The following IFNGR2 variants were observed in gnomAD, a reference collection of about 807,000 sequenced individuals.
IFNGR2 encodes the protein IFN-gamma receptor 2.
A neutral mutation model predicts 41.1 loss-of-function variants in IFNGR2; 15 were observed. The ratio of observed to expected loss-of-function variants is 0.37; its 90% CI spans 0.24 to 0.56. IFNGR2 has a LOEUF of 0.56. Among genes scored for constraint, IFNGR2 ranks in the 20% least tolerant of loss-of-function variants. IFNGR2 has a pLI of 0.81. For missense variants in IFNGR2, 362 were observed against 415.7 expected (o/e 0.87, Z 1.12); for synonymous variants, 161 against 171.6 (o/e 0.94, Z 0.48).
intron 3 of IFNGR2, among the ~76,000 whole-genome samples, chr21:33,421,997 T>A (rs2083797272): frequency 6.6e-6 from 1 of 152,214 alleles, no homozygotes; most frequent in South Asian, 2.1e-4. Context: ...ACTACAATGG[T>A]AGAGTAGTTG....
intron 2 of IFNGR2, among the ~76,000 whole-genome samples, chr21:33,418,143 G>A (rs761222974): frequency 6.6e-6 from 1 of 152,036 alleles, no homozygotes; most frequent in African/African-American, 2.4e-5. Flanking sequence ...TGCAGCCTCC[G>A]CCTCGTGGGT....
intron 1 of IFNGR2, among the ~76,000 whole-genome samples, chr21:33,412,243 C>T (rs770881835): frequency 6.6e-6 from 1 of 152,116 alleles, no homozygotes; most frequent in Non-Finnish European, 1.5e-5. Flanking sequence ...GGTCCAGCTG[C>T]GTTTTCTCAT....
At chr21:33,410,975 G>T (rs910588439) in intron 1 of IFNGR2, 8 of 1,022,514 alleles carry the variant, frequency 7.8e-6, no homozygotes, top group Non-Finnish European at 1.2e-5. Context: ...TTCCAGCCCT[G>T]GTGTTTCCCA....
chr21:33,429,140 A>G (rs766082916), intron 4 of IFNGR2, among the ~76,000 whole-genome samples: 1 of 152,196 alleles, frequency 6.6e-6, no homozygotes, highest in Non-Finnish European at 1.5e-5. Context: ...GAAGAGGAGC[A>G]GCCGTGAGGG....
chr21:33,404,104 G>C (rs1386614819), intron 1 of IFNGR2, among the ~76,000 whole-genome samples: 3 of 152,272 alleles, frequency 2.0e-5, no homozygotes, highest in Non-Finnish European at 4.4e-5. Context: ...TTGAATCCAG[G>C]GCTCCGGCGG....
intron 1 of IFNGR2, among the ~76,000 whole-genome samples, chr21:33,409,077 T>G (rs1156647467): frequency 3.9e-4 from 59 of 151,666 alleles, no homozygotes; most frequent in Non-Finnish European, 1.0e-4. Flanking sequence ...CTCAGGAGGC[T>G]GAGGCAGGAG....
intron 2 of IFNGR2, among the ~76,000 whole-genome samples, chr21:33,416,165 A>G (rs2083751600): frequency 6.6e-6 from 1 of 152,172 alleles, no homozygotes; most frequent in Admixed American, 6.6e-5. Flanking sequence ...CCCAGCCTTC[A>G]TAGTAGTTTT....
intron 6 of IFNGR2, among the ~76,000 whole-genome samples, chr21:33,433,789 AT>A (rs35774330): frequency 4.0e-5 from 6 of 149,804 alleles, no homozygotes; most frequent in Non-Finnish European, 5.9e-5. Context: ...CCACAATTTA[AT>A]TTTTTTTTTT....
chr21:33,417,114 C>A (rs1210447591), intron 2 of IFNGR2, among the ~76,000 whole-genome samples: 1 of 150,120 alleles, frequency 6.7e-6, no homozygotes, highest in African/African-American at 2.5e-5. Flanking sequence ...TTTTCTGAGA[C>A]AAGGTCTCAC....
intron 6 of IFNGR2, among the ~76,000 whole-genome samples, chr21:33,435,493 G>A (rs1192090360): frequency 6.6e-6 from 1 of 152,134 alleles, no homozygotes; most frequent in East Asian, 1.9e-4. Context: ...TGCTTTTCCT[G>A]AGTTTTGCCC....
chr21:33,426,270 G>A (rs559436806), intron 3 of IFNGR2, among the ~76,000 whole-genome samples: 9 of 152,018 alleles, frequency 5.9e-5, no homozygotes, highest in African/African-American at 1.4e-4. Flanking sequence ...AAAATTAGCC[G>A]GGTATGGTGG....
chr21:33,437,292 CT>C lies in IFNGR2; in HGVS notation c.*331del. On this transcript the variant is annotated 3_prime_UTR_variant, in exon 7 of 7. Transcript: ENST00000290219. The stretch of plus-strand genomic sequence containing the variant: ...GATACTTTTTTCATTATTGGTTGGG[CT>C]GAGCAGTCAGAAGACCTGGTCGTCG... 2 of 295,542 alleles carry C rather than the reference CT, an allele frequency of 6.8e-6. No homozygotes were observed. Among genetic ancestry groups the C allele is most frequent in the South Asian group, 6.9e-5 (2 of 29,188 alleles). 18.3% of individuals were successfully genotyped at this position (295,542 alleles called of 1,614,324 possible).
At chr21:33,427,840 TCATC>T (rs1323546574) in intron 4 of IFNGR2, among the ~76,000 whole-genome samples, 10 of 51,306 alleles carry the variant, frequency 1.9e-4, no homozygotes, top group East Asian at 1.6e-3. Flanking sequence ...TCATCTCATT[TCATC>T]TTTTTTTTTT....
At chr21:33,415,515 T>G (rs1048480554) in intron 2 of IFNGR2, among the ~76,000 whole-genome samples, 2 of 152,256 alleles carry the variant, frequency 1.3e-5, no homozygotes, top group African/African-American at 4.8e-5. Context: ...TTCAAGCTTT[T>G]GCAGAATTGG....
At chr21:33,426,488 G>A (rs1220474825) in intron 3 of IFNGR2, among the ~76,000 whole-genome samples, 1 of 151,798 alleles carries the variant, frequency 6.6e-6, no homozygotes, top group East Asian at 1.9e-4. Flanking sequence ...GGAGGCTGAG[G>A]TGGGCGGATC....
At chr21:33,408,411 G>A (rs546936792) in intron 1 of IFNGR2, among the ~76,000 whole-genome samples, 2 of 152,182 alleles carry the variant, frequency 1.3e-5, no homozygotes, top group East Asian at 3.9e-4. Flanking sequence ...GGTCAGGCTG[G>A]TCTCGAACTC....
At chr21:33,435,221 G>C (rs2079999494) in intron 6 of IFNGR2, among the ~76,000 whole-genome samples, 1 of 152,170 alleles carries the variant, frequency 6.6e-6, no homozygotes, top group South Asian at 2.1e-4. Context: ...ATATGTTAAG[G>C]CCTAAGGCCC....
intron 1 of IFNGR2, among the ~76,000 whole-genome samples, 182 bp downstream of exon 1, chr21:33,403,798 T>C (rs1351553290): frequency 6.6e-6 from 1 of 151,802 alleles, no homozygotes; most frequent in Non-Finnish European, 1.5e-5. Context: ...AACCTGCGGG[T>C]GCCCCAGGTG....
At chr21:33,429,791 G>A (rs1322644396) in intron 4 of IFNGR2, among the ~76,000 whole-genome samples, 1 of 152,222 alleles carries the variant, frequency 6.6e-6, no homozygotes, top group East Asian at 1.9e-4. Context: ...TGCAAACAGT[G>A]TAGGGACGGT....
Sources: gnomAD v4.1 joint callset for allele counts (sites outside exome capture counted in the v4.1 genomes callset) on GRCh38, gnomAD v4.1.1 for gene constraint, MANE v1.5 for transcripts, NCBI Gene and HGNC (gene_info 2026-07-23, HGNC 2026-07-21) for gene names.